The following PIWIL2 variants were observed in gnomAD, a reference collection of about 807,000 sequenced individuals.
The protein encoded by PIWIL2 is piwi-like protein 2.
A neutral mutation model predicts 116.5 loss-of-function variants in PIWIL2; 81 were observed. The observed-to-expected ratio is 0.70, with a 90% CI of 0.58 to 0.84. The LOEUF (loss-of-function observed/expected upper bound fraction) is 0.84. Among genes scored for constraint, PIWIL2 ranks in the 40% least tolerant of loss-of-function variants. The probability of loss-of-function intolerance (pLI) is 0.00; values close to 1 mark genes in which losing one functional copy is unlikely to be tolerated. For missense variants in PIWIL2, 1,272 were observed against 1,212.3 expected (o/e 1.05, Z -0.73); for synonymous variants, 489 against 429.5 (o/e 1.14, Z -1.71).
intron 15 of PIWIL2, among the ~76,000 whole-genome samples, 178 bp from the exon 16 acceptor site, chr8:22,310,934 A>G (rs1252437281): frequency 6.6e-6 from 1 of 152,180 alleles, no homozygotes; most frequent in Non-Finnish European, 1.5e-5. Context: ...ATAACATTCC[A>G]TTTTGAGACT....
chr8:22,350,443 A>T (rs974014021), intron 20 of PIWIL2, among the ~76,000 whole-genome samples: 1 of 152,064 alleles, frequency 6.6e-6, no homozygotes, highest in Non-Finnish European at 1.5e-5. Flanking sequence ...AAAAAATACA[A>T]AAGTTAGCTA....
intron 16 of PIWIL2, among the ~76,000 whole-genome samples, chr8:22,312,056 G>T: frequency 6.6e-6 from 1 of 152,006 alleles, no homozygotes. Flanking sequence ...TTGAGCCCAG[G>T]AGTTTGAGAC....
chr8:22,312,694 A>C (rs754562603), intron 16 of PIWIL2, among the ~76,000 whole-genome samples: 9 of 152,148 alleles, frequency 5.9e-5, no homozygotes, highest in Non-Finnish European at 1.3e-4. Context: ...AGGCTAAAGT[A>C]CAGTGGCATG....
chr8:22,334,519 C>A (rs200425148), intron 20 of PIWIL2, among the ~76,000 whole-genome samples: 161 of 132,154 alleles, frequency 1.2e-3, no homozygotes, highest in Middle Eastern at 7.4e-3. Flanking sequence ...GAGTCCGTCT[C>A]AAAAAAAAAA....
rs1056910931 is a variant in PIWIL2 at position 22,356,675 on chromosome 8, T to C, written c.*1170T>C. ...TTTGTAAATGGAATTACCCCCTTTCTCTTGCAAAATAACCGCTTCCTGGCT... is the reference window on the plus strand; with the variant it reads ...TTTGTAAATGGAATTACCCCCTTTCCCTTGCAAAATAACCGCTTCCTGGCT... On this transcript the variant is annotated 3_prime_UTR_variant, in exon 23 of 23. Coordinates refer to ENST00000356766, the MANE Select transcript of PIWIL2 (RefSeq NM_018068.5). The C allele has an allele frequency of 1.3e-5, 2 of 152,184 alleles. No individual in the cohort carries two copies. The highest frequency in any genetic ancestry group is 2.4e-5 in the African/African-American group (1 of 41,438). The allele number at this position is 152,184 out of a possible 1,614,324, so 9.4% of individuals were successfully genotyped here.
At chr8:22,281,249 A>T in intron 3 of PIWIL2, 42 bp downstream of exon 3, 2 of 1,547,016 alleles carry the variant, frequency 1.3e-6, no homozygotes, top group Non-Finnish European at 1.8e-6. Flanking sequence ...GGTATGTATG[A>T]TTGGTTTCTT....
intron 19 of PIWIL2, among the ~76,000 whole-genome samples, chr8:22,317,338 T>G (rs1217787655): frequency 4.6e-5 from 7 of 152,240 alleles, no homozygotes; most frequent in Non-Finnish European, 8.8e-5. Flanking sequence ...ATATATACTT[T>G]CAGATTCTCT....
intron 14 of PIWIL2, among the ~76,000 whole-genome samples, chr8:22,309,259 C>A (rs1440468592): frequency 6.6e-6 from 1 of 151,860 alleles, no homozygotes; most frequent in Non-Finnish European, 1.5e-5. Flanking sequence ...CACACCCGGC[C>A]CCCTTGGATA....
At chr8:22,303,570 G>GT (rs1831103359) in intron 10 of PIWIL2, among the ~76,000 whole-genome samples, 1 of 151,918 alleles carries the variant, frequency 6.6e-6, no homozygotes, top group South Asian at 2.1e-4. Context: ...AATTTTTTAA[G>GT]TTTTTTAGAG....
At chr8:22,288,757 C>T (rs758138937) in intron 8 of PIWIL2, 91 bp downstream of exon 8, 263 of 1,174,184 alleles carry the variant, frequency 2.2e-4, no homozygotes, top group Non-Finnish European at 3.1e-4. Flanking sequence ...AAATACGTGA[C>T]AGTATATTCT....
chr8:22,309,814 G>C, intron 14 of PIWIL2, 147 bp from the exon 15 acceptor site: 1 of 540,254 alleles, frequency 1.9e-6, no homozygotes, highest in Non-Finnish European at 3.4e-6. Flanking sequence ...TTCACTGCTA[G>C]AAGCTTTATT....
chr8:22,304,709 A>T, intron 11 of PIWIL2, 75 bp from the exon 12 acceptor site: 1 of 836,698 alleles, frequency 1.2e-6, no homozygotes. Context: ...GTCCTGGTTA[A>T]GAGACTCAGA....
At chr8:22,330,481 G>C (rs945734718) in intron 20 of PIWIL2, among the ~76,000 whole-genome samples, 2 of 150,184 alleles carry the variant, frequency 1.3e-5, no homozygotes, top group Non-Finnish European at 3.0e-5. Flanking sequence ...GGTGGATCAC[G>C]AGGTCAGGGG....
intron 20 of PIWIL2, among the ~76,000 whole-genome samples, chr8:22,352,574 A>G (rs1412743174): frequency 4.6e-5 from 7 of 152,226 alleles, no homozygotes; most frequent in African/African-American, 1.4e-4. Context: ...TTTCTCTAAC[A>G]CTTTACCTTA....
At chr8:22,284,508 A>G (rs1466724428) in intron 6 of PIWIL2, among the ~76,000 whole-genome samples, 1 of 151,788 alleles carries the variant, frequency 6.6e-6, no homozygotes, top group African/African-American at 2.4e-5. Flanking sequence ...ACATGAGGCT[A>G]GAAGTTAATT....
intron 3 of PIWIL2, 38 bp downstream of exon 3, chr8:22,281,245 T>A: frequency 6.5e-7 from 1 of 1,548,038 alleles, no homozygotes; most frequent in Non-Finnish European, 8.8e-7. Context: ...TGGTGGTATG[T>A]ATGATTGGTT....
rs1433098893 is a variant in PIWIL2, at chr8:22,356,190, A to C, written c.*685A>C. The C allele has an allele frequency of 6.6e-6, 1 of 152,180 alleles. No homozygotes were observed. The highest frequency in any genetic ancestry group is 1.5e-5 in the Non-Finnish European group (1 of 68,052). 9.4% of individuals were successfully genotyped at this position (152,180 alleles called of 1,614,324 possible). A position where few individuals can be genotyped will look rare whatever the true frequency, so the allele number is the denominator to read the frequency against. ...TGGAGCCAGAGATGATAATTAAGTC[A>C]TTGCAAGTTGCCTGAAGAGAATTAC... On this transcript the variant is annotated 3_prime_UTR_variant, in exon 23 of 23. Transcript: ENST00000356766.
chr8:22,304,984 G>A (rs1328032282), intron 12 of PIWIL2, 116 bp downstream of exon 12: 15 of 699,392 alleles, frequency 2.1e-5, no homozygotes, highest in Admixed American at 6.5e-5. Flanking sequence ...GTGTAGTTGC[G>A]GAAAGCTGTG....
In PIWIL2 at chr8:22,311,131, C is replaced by T; in HGVS notation, c.1820C>T (p.Ala607Val). 6.2e-7 allele frequency: 1 copy of T among 1,611,598 alleles called. No individual in the cohort carries two copies. Among genetic ancestry groups the T allele is most frequent in the Non-Finnish European group, 8.5e-7 (1 of 1,179,180 alleles). ...SILTIPMHFW[A>V]LFYPKRAMDQ... ...TCCTAGATCCCCATGCATTTCTGGG[C>T]ACTTTTTTACCCAAAGAGAGCAATG... The change falls in exon 16 of 23, where the codon GCA (alanine) becomes GTA (valine). Residue 607 changes from alanine (A) to valine (V), a missense_variant. Physicochemically the swap from Ala to Val is moderately conservative, Grantham distance 64. Coordinates refer to ENST00000356766, the MANE Select transcript of PIWIL2 (RefSeq NM_018068.5).
Sources: allele counts gnomAD v4.1 joint callset (sites outside exome capture counted in the v4.1 genomes callset), GRCh38; gene constraint gnomAD v4.1.1; transcripts MANE v1.5; gene names NCBI Gene and HGNC (gene_info 2026-07-23, HGNC 2026-07-21).